Variants in MYO7B observed in about 807,000 individuals in gnomAD.
MYO7B encodes myosin VIIB.
A neutral mutation model predicts 259.7 loss-of-function variants in MYO7B; 212 were observed. The observed-to-expected ratio is 0.82, with a 90% CI of 0.73 to 0.91. MYO7B has a LOEUF of 0.91. Among genes scored for constraint, MYO7B ranks in the 40% least tolerant of loss-of-function variants. The pLI, the probability that MYO7B is intolerant of heterozygous loss-of-function variation, is 0.00. For synonymous variants in MYO7B, 1,197 were observed against 1,166.4 expected, an observed-to-expected ratio of 1.03 and a Z score of -0.54; for missense variants, 2,732 against 2,813.5, an observed-to-expected ratio of 0.97 and a Z score of 0.66.
In MYO7B at chr2:127,627,717, A is replaced by G; in HGVS notation, c.4460+407A>G. 1 of 459,914 alleles carries G rather than the reference A, an allele frequency of 2.2e-6. No individual in the cohort carries two copies. Among genetic ancestry groups the G allele is most frequent in the Non-Finnish European group, 4.4e-6 (1 of 229,288 alleles). The allele number at this position is 459,914 out of a possible 1,614,324, so 28.5% of individuals were successfully genotyped here. Reference sequence around the variant, plus strand: ...CCTGGTGTGTCCTGGGGCACAGGGCAGGGCTGGGGGTCCTCTTAGGCTGGG... The same window carrying G: ...CCTGGTGTGTCCTGGGGCACAGGGCGGGGCTGGGGGTCCTCTTAGGCTGGG... On this transcript the variant is annotated intron_variant, in intron 33 of 47. Coordinates refer to ENST00000409816, the MANE Select transcript of MYO7B (RefSeq NM_001393586.1). The surrounding 1 kb of genome is among the most constrained non-coding windows in gnomAD (Gnocchi z 5.6).
intron 3 of MYO7B, 121 bp from the exon 4 acceptor site, chr2:127,565,111 AG>A: frequency 8.0e-7 from 1 of 1,255,328 alleles, no homozygotes; most frequent in Non-Finnish European, 1.1e-6. Flanking sequence ...CCACTGCCCC[AG>A]GTCAGCTGAT....
At chr2:127,572,416 C>CGAA (rs1678678186) in intron 6 of MYO7B, among the ~76,000 whole-genome samples, 1 of 78,810 alleles carries the variant, frequency 1.3e-5, no homozygotes, top group Admixed American at 1.2e-4. Flanking sequence ...GAGACTGTCT[C>CGAA]AAAAAAAAAA....
At chr2:127,631,514 C>A in intron 37 of MYO7B, 86 bp from the exon 38 acceptor site, 1 of 1,539,768 alleles carries the variant, frequency 6.5e-7, no homozygotes, top group Non-Finnish European at 8.8e-7. Flanking sequence ...CATGGCTCAC[C>A]GCAGGGCCGG....
intron 1 of MYO7B, among the ~76,000 whole-genome samples, chr2:127,544,831 C>T (rs1438723435): frequency 2.0e-5 from 3 of 152,026 alleles, no homozygotes; most frequent in East Asian, 1.9e-4. Context: ...CCACCCGCCT[C>T]GGCCTCCCAA....
At position 127,592,799 on chromosome 2, in the gene MYO7B, C is replaced by A. The variant is rs376826480; in HGVS notation, c.1998C>A (p.Phe666Leu). The A allele has an allele frequency of 9.9e-6, 16 of 1,609,384 alleles. No homozygotes were observed. In the African/African-American group the frequency reaches 1.9e-4, roughly 19 times the overall value. The change falls in exon 17 of 48, where the codon TTC (phenylalanine) becomes TTA (leucine). Residue 666 changes from phenylalanine to leucine, a missense_variant. By Grantham distance (22) the Phe-to-Leu change is conservative (BLOSUM62 0). Transcript: ENST00000409816. ...CGCCCGGTGTCCGCCCACAGCTGTT[C>A]GACCGGGAGCTGTGCCTGCGGCAGC... ...KPNEYKKPLL[F>L]DRELCLRQLR...
Position 127,629,735 on chromosome 2 carries a change from G to A in MYO7B, c.4715G>A (p.Gly1572Asp), listed in dbSNP as rs778925214. The A allele has an allele frequency of 1.2e-6, 2 of 1,612,236 alleles. No individual in the cohort carries two copies. The highest frequency in any genetic ancestry group is 1.7e-4 in the Middle Eastern group (1 of 6,054). Residue 1572 changes from glycine (G) to aspartate (D), a missense_variant, in exon 35 of 48, where the codon GGC becomes GAC. Around this residue, in one of 3 missense-constraint regions of MYO7B, gnomAD observed 821 missense variants for 769.3 expected, o/e 1.07. Coordinates refer to ENST00000409816, the MANE Select transcript of MYO7B (RefSeq NM_001393586.1). ...GLLASENWTL[G>D]QNDRTGKTGL... ...CTGGCCTCTGAGAACTGGACCCTCG[G>A]CCAGAACGACAGGACAGGCAAGACG...
intron 30 of MYO7B, 100 bp downstream of exon 30, chr2:127,624,420 G>A: frequency 3.6e-5 from 40 of 1,112,832 alleles, no homozygotes; most frequent in Non-Finnish European, 5.1e-5. Flanking sequence ...TAGAAGGTGG[G>A]GGGGCAGGAA....
At chr2:127,561,887 G>T (rs1210248389) in intron 2 of MYO7B, among the ~76,000 whole-genome samples, 4 of 152,178 alleles carry the variant, frequency 2.6e-5, no homozygotes, top group Admixed American at 1.3e-4. Context: ...CAAGGTCAAG[G>T]TGCCTTTAGG....
intron 38 of MYO7B, 81 bp downstream of exon 38, chr2:127,631,834 G>A: frequency 1.3e-6 from 2 of 1,530,184 alleles, no homozygotes; most frequent in Non-Finnish European, 1.8e-6. Context: ...GGCTCAGAGA[G>A]GACACCGCAG....
intron 19 of MYO7B, among the ~76,000 whole-genome samples, chr2:127,605,023 A>G (rs1399846314): frequency 6.6e-6 from 1 of 152,394 alleles, no homozygotes; most frequent in Middle Eastern, 3.4e-3. Context: ...CGGCTACCAC[A>G]GACCTTCAAT....
intron 9 of MYO7B, among the ~76,000 whole-genome samples, chr2:127,578,497 C>T (rs1043583086): frequency 6.6e-5 from 10 of 152,236 alleles, no homozygotes; most frequent in East Asian, 5.8e-4. Flanking sequence ...AGGTGGAGAC[C>T]GGCCAATCAT....
In MYO7B at chr2:127,546,034, A is replaced by G. The variant is rs557451554; in HGVS notation, c.-24+10203A>G. On this transcript the variant is annotated intron_variant, in intron 1 of 47. Transcript: ENST00000409816. The surrounding 1 kb of genome is among the most constrained non-coding windows in gnomAD (Gnocchi z 4.2). ...GTGTTCTTCTTGAGTGATGGCTTCC[A>G]TGCCAGGTACTCTCAGCTCTGGGGA... is the stretch of plus-strand genomic sequence containing the variant. Among the ~76,000 whole-genome samples, 3 of 152,318 alleles carry G rather than the reference A, an allele frequency of 2.0e-5. No individual in the cohort carries two copies. The highest frequency in any genetic ancestry group is 6.5e-5 in the Admixed American group (1 of 15,302).
At chr2:127,552,225 G>T (rs949203203) in intron 1 of MYO7B, among the ~76,000 whole-genome samples, 1 of 152,172 alleles carries the variant, frequency 6.6e-6, no homozygotes, top group Admixed American at 6.5e-5. Flanking sequence ...TACAGTGAGG[G>T]TGTTTCAATA....
intron 18 of MYO7B, among the ~76,000 whole-genome samples, chr2:127,594,989 G>C (rs1365860167): frequency 6.6e-6 from 1 of 152,160 alleles, no homozygotes; most frequent in African/African-American, 2.4e-5. Flanking sequence ...TGGCCTCATA[G>C]AATGAGTCAG....
In MYO7B at chr2:127,621,989, T is replaced by C; in HGVS notation, c.3533T>C (p.Leu1178Pro). 5 of 1,551,810 alleles carry C rather than the reference T, an allele frequency of 3.2e-6. No homozygotes were observed. Among genetic ancestry groups the C allele is most frequent in the Non-Finnish European group, 3.5e-6 (4 of 1,146,996 alleles). ...CCCCTCCTCACCCACCAGTATCTAC[T>C]GAACTTCATCGGCCAAGGGCCGGCG... The part of the protein sequence containing the change: ...PPSERFMKYL[L>P]NFIGQGPATY... The change falls in exon 28 of 48, where the codon CTG (leucine) becomes CCG (proline). Residue 1178 changes from leucine (L) to proline (P), a missense_variant. By Grantham distance (98) the Leu-to-Pro change is moderately conservative. Coordinates refer to ENST00000409816, the MANE Select transcript of MYO7B (RefSeq NM_001393586.1).
chr2:127,586,698 A>T lies in MYO7B; in HGVS notation c.1691-1694A>T, dbSNP rs547351485. ...GATAGGAAACTTACATAATGCTAAG[A>T]TTAAGGTCGATTCTTTCTAGACTTT... On this transcript the variant is annotated intron_variant, in intron 14 of 47. Transcript: ENST00000409816. This position sits in a 1 kb window ranked among gnomAD's most constrained non-coding sequence, Gnocchi z 4.8. 6.6e-6 allele frequency among the ~76,000 whole-genome samples: 1 copy of T among 152,336 alleles called. No homozygotes were observed. Among genetic ancestry groups the T allele is most frequent in the South Asian group, 2.1e-4 (1 of 4,826 alleles).
chr2:127,631,753 G>C lies in MYO7B; in HGVS notation c.5249G>C (p.Arg1750Thr), dbSNP rs894903259. Reference protein sequence around the residue: ...ILKQLTHNSNRHSEERGWQLL... With the variant: ...ILKQLTHNSNTHSEERGWQLL... ...AAGCAGCTGACGCACAACTCCAACA[G>C]GTCTGCTGGGGCGGCGGCCAGCCCA... Residue 1750 changes from arginine (R) to threonine (T), a missense_variant and splice_region_variant, in exon 38 of 48, where the codon AGG (arginine) becomes ACG (threonine). Transcript: ENST00000409816. 5.0e-6 allele frequency: 8 copies of C among 1,611,958 alleles called. No individual in the cohort carries two copies. The highest frequency in any genetic ancestry group is 6.8e-6 in the Non-Finnish European group (8 of 1,179,466).
intron 1 of MYO7B, among the ~76,000 whole-genome samples, chr2:127,540,049 G>A (rs1315021729): frequency 3.3e-5 from 5 of 152,230 alleles, no homozygotes; most frequent in Admixed American, 1.3e-4. Flanking sequence ...CATGGTGTAC[G>A]TATACCACAT....
Position 127,634,617 on chromosome 2 carries a change from G to C in MYO7B, c.5647G>C (p.Asp1883His), listed in dbSNP as rs1228220933. ...CCAGGTCATCAGCCAGAAGGAGGGA[G>C]ACTTCTTCTTTGATTCCTTGAGGGA... ...SDKVISQKEG[D>H]FFFDSLREVS... The change falls in exon 42 of 48, where the codon GAC becomes CAC. Residue 1883 changes from aspartate (D) to histidine (H), a missense_variant. Coordinates refer to ENST00000409816, the MANE Select transcript of MYO7B (RefSeq NM_001393586.1). 5.6e-6 allele frequency: 9 copies of C among 1,612,674 alleles called. No individual in the cohort carries two copies. The highest frequency in any genetic ancestry group is 7.6e-6 in the Non-Finnish European group (9 of 1,179,436).
Sources: gnomAD v4.1 joint callset for allele counts (sites outside exome capture counted in the v4.1 genomes callset) on GRCh38, gnomAD v4.1.1 for gene constraint, gnomAD v4.1.1 regional missense constraint, Gnocchi (gnomAD v3.1) non-coding constraint, MANE v1.5 for transcripts, NCBI Gene and HGNC (gene_info 2026-07-23, HGNC 2026-07-21) for gene names.